The following PRKAR2B variants were observed in gnomAD, a reference collection of about 807,000 sequenced individuals.
PRKAR2B encodes the protein protein kinase cAMP-dependent type II regulatory subunit beta.
PRKAR2B carries 14 observed loss-of-function variants against 49.9 expected under a neutral mutation model. That is an observed-to-expected ratio of 0.28 (90% CI 0.19 to 0.44). The LOEUF (loss-of-function observed/expected upper bound fraction) is 0.44, where lower values mean the gene tolerates loss of function less well. Among genes scored for constraint, PRKAR2B ranks in the 20% least tolerant of loss-of-function variants. The probability of loss-of-function intolerance (pLI) is 1.00; values close to 1 mark genes in which losing one functional copy is unlikely to be tolerated. For missense variants in PRKAR2B, 393 were observed against 537.9 expected (o/e 0.73, Z 2.67); for synonymous variants, 196 against 197.7 (o/e 0.99, Z 0.07).
chr7:107,150,544 G>A (rs1419488371), intron 6 of PRKAR2B, among the ~76,000 whole-genome samples: 3 of 150,930 alleles, frequency 2.0e-5, no homozygotes, highest in Admixed American at 6.6e-5. Context: ...GACATAATGT[G>A]GATATGAAAA....
At chr7:107,079,701 C>A (rs1347688007) in intron 2 of PRKAR2B, among the ~76,000 whole-genome samples, 2 of 152,176 alleles carry the variant, frequency 1.3e-5, no homozygotes, top group Non-Finnish European at 2.9e-5. Context: ...CCCTCCCTTC[C>A]TTCCTTCCGA....
In PRKAR2B at chr7:107,044,984, C is replaced by T. The variant is rs1270245973; in HGVS notation, c.77C>T (p.Ala26Val). ...FTVEVLRHQPADLLEFALQHF... is the reference protein window; with the variant it reads ...FTVEVLRHQPVDLLEFALQHF... The stretch of plus-strand genomic sequence containing the variant: ...GTGGAGGTGCTGAGGCACCAGCCCG[C>T]GGACCTGCTGGAGTTCGCGCTGCAG... The change falls in exon 1 of 11, where the codon GCG (alanine) becomes GTG (valine). Residue 26 changes from alanine (A) to valine (V), a missense_variant. Physicochemically the swap from Ala to Val is moderately conservative, Grantham distance 64. Around this residue, in one of 2 missense-constraint regions of PRKAR2B, gnomAD observed 160 missense variants for 147.6 expected, o/e 1.08. Coordinates refer to ENST00000265717, the MANE Select transcript of PRKAR2B (RefSeq NM_002736.3). 2 of 1,572,318 alleles carry T rather than the reference C, an allele frequency of 1.3e-6. No individual in the cohort carries two copies. Among genetic ancestry groups the T allele is most frequent in the South Asian group, 1.2e-5 (1 of 85,978 alleles).
intron 5 of PRKAR2B, among the ~76,000 whole-genome samples, chr7:107,143,962 C>T (rs1186698631): frequency 6.6e-6 from 1 of 152,128 alleles, no homozygotes; most frequent in African/African-American, 2.4e-5. Context: ...TAACCCTGTA[C>T]TTGAAAAATG....
intron 5 of PRKAR2B, among the ~76,000 whole-genome samples, chr7:107,141,865 A>G (rs931681206): frequency 2.6e-5 from 4 of 152,222 alleles, no homozygotes; most frequent in Non-Finnish European, 5.9e-5. Context: ...AAAAAACTCT[A>G]TAATTATTTA....
chr7:107,065,364 G>A lies in PRKAR2B; in HGVS notation c.308-4917G>A, dbSNP rs534093903. Among the ~76,000 whole-genome samples the A allele has an allele frequency of 5.9e-3, 649 of 109,916 alleles. 8 individuals carry two copies. Among genetic ancestry groups the A allele is most frequent in the African/African-American group, 0.025 (618 of 25,052 alleles). 72.1% of individuals were successfully genotyped at this position (109,916 alleles called of 152,430 possible). A position where few individuals can be genotyped will look rare whatever the true frequency, so the allele number is the denominator to read the frequency against. ...TGTGTGTGTGTGTGTGTGTGTGTGT[G>A]TGTGTGTGTGTGTTTATGACTGCAG... On this transcript the variant is annotated intron_variant, in intron 1 of 10. Coordinates refer to ENST00000265717, the MANE Select transcript of PRKAR2B (RefSeq NM_002736.3).
chr7:107,066,013 TG>T (rs1794129349), intron 1 of PRKAR2B, among the ~76,000 whole-genome samples: 1 of 152,158 alleles, frequency 6.6e-6, no homozygotes, highest in Non-Finnish European at 1.5e-5. Context: ...ACGAATCTAG[TG>T]GAATATAGTT....
At chr7:107,101,875 CTTTTTTTTTTTT>C (rs10589473) in intron 2 of PRKAR2B, among the ~76,000 whole-genome samples, 2 of 94,232 alleles carry the variant, frequency 2.1e-5, no homozygotes, top group African/African-American at 4.3e-5. Context: ...AGCCCTGATC[CTTTTTTTTTTTT>C]TTTTTTTTTT....
chr7:107,107,119 C>A (rs965851915), intron 2 of PRKAR2B, among the ~76,000 whole-genome samples: 8 of 152,144 alleles, frequency 5.3e-5, no homozygotes, highest in African/African-American at 1.9e-4. Context: ...GGTGGATCAC[C>A]TGAGGTCAGG....
chr7:107,074,609 G>A (rs1794357097), intron 2 of PRKAR2B, among the ~76,000 whole-genome samples: 1 of 151,036 alleles, frequency 6.6e-6, no homozygotes, highest in African/African-American at 2.4e-5. Flanking sequence ...CACCAGCCTG[G>A]CCAACATGGT....
chr7:107,063,430 A>G (rs1420548687), intron 1 of PRKAR2B, among the ~76,000 whole-genome samples: 2 of 152,226 alleles, frequency 1.3e-5, no homozygotes, highest in Non-Finnish European at 2.9e-5. Context: ...CAGACAGACA[A>G]GGAAAGACCC....
chr7:107,156,868 T>G (rs1796101773), intron 8 of PRKAR2B, 116 bp from the exon 9 acceptor site: 2 of 860,888 alleles, frequency 2.3e-6, no homozygotes, highest in South Asian at 3.2e-5. Context: ...GATTTCACTT[T>G]TCAGGTGAAT....
At chr7:107,128,357 C>T (rs1795535842) in intron 4 of PRKAR2B, 62 bp downstream of exon 4, 2 of 1,274,694 alleles carry the variant, frequency 1.6e-6, no homozygotes, top group Non-Finnish European at 2.3e-6. Flanking sequence ...GTGTCAAGAA[C>T]TGTACAGGGT....
chr7:107,088,679 A>G (rs1372768578), intron 2 of PRKAR2B, among the ~76,000 whole-genome samples: 6 of 152,008 alleles, frequency 3.9e-5, no homozygotes, highest in Non-Finnish European at 4.4e-5. Flanking sequence ...GGCTTATTGC[A>G]GTCTCCTCTT....
intron 2 of PRKAR2B, among the ~76,000 whole-genome samples, chr7:107,107,572 G>A (rs1418802355): frequency 6.6e-6 from 1 of 151,980 alleles, no homozygotes; most frequent in Admixed American, 6.6e-5. Flanking sequence ...GAGAGCCTAA[G>A]TACAGTTAGG....
At chr7:107,090,916 A>G (rs1425797608) in intron 2 of PRKAR2B, among the ~76,000 whole-genome samples, 1 of 152,256 alleles carries the variant, frequency 6.6e-6, no homozygotes, top group Admixed American at 6.5e-5. Context: ...TCTTCTAGCT[A>G]CTAAAGGAAA....
intron 2 of PRKAR2B, among the ~76,000 whole-genome samples, chr7:107,102,312 G>A (rs1286783781): frequency 6.6e-6 from 1 of 152,216 alleles, no homozygotes; most frequent in African/African-American, 2.4e-5. Flanking sequence ...CAATGATCTG[G>A]AAGTTACCTT....
At chr7:107,050,299 A>G (rs1232335940) in intron 1 of PRKAR2B, among the ~76,000 whole-genome samples, 1 of 115,272 alleles carries the variant, frequency 8.7e-6, no homozygotes, top group Non-Finnish European at 1.8e-5. Context: ...AAACCAAACC[A>G]TTTAGCTATT....
At chr7:107,143,559 A>T (rs1332245998) in intron 5 of PRKAR2B, among the ~76,000 whole-genome samples, 3 of 152,194 alleles carry the variant, frequency 2.0e-5, no homozygotes, top group Non-Finnish European at 2.9e-5. Context: ...TACTGTGTTA[A>T]TGGTATGTCT....
chr7:107,047,562 T>C (rs1022535017), intron 1 of PRKAR2B, among the ~76,000 whole-genome samples: 8 of 151,338 alleles, frequency 5.3e-5, no homozygotes, highest in African/African-American at 1.2e-4. Flanking sequence ...AATAGTACCA[T>C]TGGGGGAAAA....
Sources: allele counts gnomAD v4.1 joint callset (sites outside exome capture counted in the v4.1 genomes callset), GRCh38; gene constraint gnomAD v4.1.1; regional missense constraint gnomAD v4.1.1; transcripts MANE v1.5; gene names NCBI Gene and HGNC (gene_info 2026-07-23, HGNC 2026-07-21).